MYCBP2: variants seen among roughly 807,000 people sequenced by gnomAD.
The protein encoded by MYCBP2 is MYC binding protein 2, also known as E3 ubiquitin-protein ligase MYCBP2.
MYCBP2 carries 120 observed loss-of-function variants against 525.3 expected under a neutral mutation model. The observed-to-expected ratio is 0.23, with a 90% confidence interval of 0.20 to 0.27. The LOEUF (loss-of-function observed/expected upper bound fraction) is 0.27, where lower values mean the gene tolerates loss of function less well. Ranked by LOEUF, MYCBP2 falls within the 10% of genes least tolerant of loss-of-function variation. The probability of loss-of-function intolerance (pLI) is 1.00; values close to 1 mark genes in which losing one functional copy is unlikely to be tolerated. For missense variants in MYCBP2, 4,149 were observed against 5,657.1 expected (o/e 0.73, Z 8.55); for synonymous variants, 1,894 against 1,955.8 (o/e 0.97, Z 0.83).
At chr13:77,283,147 G>C (rs1286816240) in intron 3 of MYCBP2, among the ~76,000 whole-genome samples, 2 of 152,240 alleles carry the variant, frequency 1.3e-5, no homozygotes, top group East Asian at 3.9e-4. Context: ...ACTACAGGGT[G>C]GTGAGTCTGA....
At chr13:77,127,661 A>T (rs999471874) in intron 52 of MYCBP2, among the ~76,000 whole-genome samples, 2 of 151,918 alleles carry the variant, frequency 1.3e-5, no homozygotes, top group Non-Finnish European at 2.9e-5. Context: ...TATGCAAGAT[A>T]GAATTGTATT....
At chr13:77,131,990 G>C (rs761175438) in intron 52 of MYCBP2, among the ~76,000 whole-genome samples, 1 of 152,062 alleles carries the variant, frequency 6.6e-6, no homozygotes, top group Non-Finnish European at 1.5e-5. Flanking sequence ...ACAAAGCTAA[G>C]AATTGCCATT....
intron 55 of MYCBP2, among the ~76,000 whole-genome samples, chr13:77,116,135 C>G (rs2049714716): frequency 6.6e-6 from 1 of 151,890 alleles, no homozygotes; most frequent in Admixed American, 6.6e-5. Context: ...GACAGTATCT[C>G]AAATGAGGCT....
At chr13:77,239,071 G>T (rs959227581) in intron 17 of MYCBP2, among the ~76,000 whole-genome samples, 1 of 152,058 alleles carries the variant, frequency 6.6e-6, no homozygotes, top group Non-Finnish European at 1.5e-5. Flanking sequence ...AGTGAGCCGA[G>T]ATCGCACCAC....
At chr13:77,186,921 A>G (rs1261898499) in intron 30 of MYCBP2, among the ~76,000 whole-genome samples, 1 of 143,540 alleles carries the variant, frequency 7.0e-6, no homozygotes, top group Non-Finnish European at 1.5e-5. Context: ...TCCTCTCACC[A>G]CCCCCTCAGC....
chr13:77,096,539 C>T (rs2154127025), intron 56 of MYCBP2, 58 bp from the exon 57 acceptor site: 4 of 1,539,728 alleles, frequency 2.6e-6, no homozygotes, highest in Non-Finnish European at 2.7e-6. Context: ...ATAGTTTGAT[C>T]CTTATTACTC....
chr13:77,294,117 T>TATATATATATATAC (rs1455947117), intron 2 of MYCBP2, among the ~76,000 whole-genome samples: 1 of 56,666 alleles, frequency 1.8e-5, no homozygotes, highest in East Asian at 5.2e-4. Context: ...TATATATATA[T>TATATATATATATAC]ATATATATAT....
intron 76 of MYCBP2, 67 bp from the exon 77 acceptor site, chr13:77,059,693 A>G: frequency 8.2e-7 from 1 of 1,219,150 alleles, no homozygotes; most frequent in Non-Finnish European, 1.2e-6. Flanking sequence ...ACAGAACTAA[A>G]TTTTAAAAAG....
chr13:77,177,232 T>C (rs1262762413), intron 35 of MYCBP2, among the ~76,000 whole-genome samples: 1 of 151,690 alleles, frequency 6.6e-6, no homozygotes, highest in Admixed American at 6.6e-5. Context: ...TAAATCTTTC[T>C]CTTTCTGAAA....
intron 8 of MYCBP2, among the ~76,000 whole-genome samples, chr13:77,264,491 T>C (rs770165268): frequency 6.6e-6 from 1 of 152,138 alleles, no homozygotes; most frequent in Non-Finnish European, 1.5e-5. Flanking sequence ...CAGTTGTACA[T>C]TTCCCACTTA....
chr13:77,044,895 C>A lies in MYCBP2; in HGVS notation c.*483G>T, dbSNP rs943573975. ...TTATTACATTTATATGCTGTCCTAA[C>A]ACAATGTTTTTTTTTTTTTTAAATA... On this transcript the variant is annotated 3_prime_UTR_variant, in exon 83 of 83. Transcript: ENST00000544440. 1 of 400,076 alleles carries A rather than the reference C, an allele frequency of 2.5e-6. No homozygotes were observed. Among genetic ancestry groups the A allele is most frequent in the Admixed American group, 4.3e-5 (1 of 23,088 alleles). The allele number at this position is 400,076 out of a possible 1,614,324, so 24.8% of individuals were successfully genotyped here. A position where few individuals can be genotyped will look rare whatever the true frequency, so the allele number is the denominator to read the frequency against.
intron 1 of MYCBP2, among the ~76,000 whole-genome samples, chr13:77,325,888 C>A (rs1288657668): frequency 6.6e-6 from 1 of 152,164 alleles, no homozygotes; most frequent in African/African-American, 2.4e-5. Flanking sequence ...ATTCATAAAT[C>A]TTTTTAAAGC....
rs543897112 is a variant in MYCBP2 at position 77,194,567 on chromosome 13, T to A, written c.3844-323A>T. Among the ~76,000 whole-genome samples the A allele has an allele frequency of 2.0e-5, 3 of 152,178 alleles. No homozygotes were observed. The South Asian group carries it at 6.2e-4, about 32-fold the overall frequency. ...AAGGTGAGAGAACTCCAACAAAAAA[T>A]TTTAACTAAGTGAGTCTCTCACTAA... is the stretch of plus-strand genomic sequence containing the variant. On this transcript the variant is annotated intron_variant, in intron 26 of 82. Coordinates refer to ENST00000544440, the MANE Select transcript of MYCBP2 (RefSeq NM_015057.5).
At chr13:77,113,562 G>T (rs1043110353) in intron 55 of MYCBP2, among the ~76,000 whole-genome samples, 2 of 152,076 alleles carry the variant, frequency 1.3e-5, no homozygotes, top group African/African-American at 2.4e-5. Context: ...ACAAAGAGGT[G>T]GGGGAAGAGG....
chr13:77,081,249 T>A lies in MYCBP2; in HGVS notation c.11418+178A>T, dbSNP rs931238706. 5.1e-6 allele frequency: 3 copies of A among 594,014 alleles called. No individual in the cohort carries two copies. In the East Asian group the frequency reaches 8.4e-5, roughly 17 times the overall value. The allele number at this position is 594,014 out of a possible 1,614,324, so 36.8% of individuals were successfully genotyped here. ...TCTTTTCAGAAATGGAATTCCACAG[T>A]GCTCCCAATCATATTAATTTGTTTT... is the stretch of plus-strand genomic sequence containing the variant. On this transcript the variant is annotated intron_variant, in intron 65 of 82. Coordinates refer to ENST00000544440, the MANE Select transcript of MYCBP2 (RefSeq NM_015057.5). This position sits in a 1 kb window ranked among gnomAD's most constrained non-coding sequence, Gnocchi z 4.6.
intron 4 of MYCBP2, among the ~76,000 whole-genome samples, chr13:77,278,541 A>G (rs909251722): frequency 6.6e-6 from 1 of 152,224 alleles, no homozygotes; most frequent in East Asian, 1.9e-4. Flanking sequence ...AAAACTGCAA[A>G]TTGACAATTT....
intron 24 of MYCBP2, 88 bp from the exon 25 acceptor site, chr13:77,205,686 AAAAT>A (rs2063243692): frequency 1.8e-6 from 2 of 1,107,818 alleles, no homozygotes; most frequent in Non-Finnish European, 1.3e-6. Context: ...GGGATAAATT[AAAAT>A]AAATAAACTC....
At position 77,211,847 on chromosome 13, in the gene MYCBP2, A is replaced by C. The variant is rs2064055027; in HGVS notation, c.3262+109T>G. 4.6e-6 allele frequency: 4 copies of C among 878,560 alleles called. No homozygotes were observed. The East Asian group carries it at 1.1e-4, about 23-fold the overall frequency. 54.4% of individuals were successfully genotyped at this position (878,560 alleles called of 1,614,324 possible). The stretch of plus-strand genomic sequence containing the variant: ...CTTTGTTTAAATTTCTTTGAGCAGA[A>C]AGAAAACAAAAAGCTACAAAAGTAC... On this transcript the variant is annotated intron_variant, in intron 22 of 82. Coordinates refer to ENST00000544440, the MANE Select transcript of MYCBP2 (RefSeq NM_015057.5).
intron 7 of MYCBP2, 52 bp from the exon 8 acceptor site, chr13:77,267,989 GA>G: frequency 8.4e-7 from 1 of 1,194,038 alleles, no homozygotes; most frequent in Non-Finnish European, 1.2e-6. Context: ...TAATTCAGCA[GA>G]AACAGCAGCC....
Sources: allele counts gnomAD v4.1 joint callset (sites outside exome capture counted in the v4.1 genomes callset), GRCh38; gene constraint gnomAD v4.1.1; non-coding constraint Gnocchi (gnomAD v3.1); transcripts MANE v1.5; gene names NCBI Gene and HGNC (gene_info 2026-07-23, HGNC 2026-07-21).